RARB: variants seen among roughly 807,000 people sequenced by gnomAD.
RARB encodes the protein HBV-activated protein.
Under a neutral mutation model 51.9 loss-of-function variants are expected in RARB, and 17 were observed. That is an observed-to-expected ratio of 0.33 (90% CI 0.22 to 0.49). The LOEUF is 0.49. Among genes scored for constraint, RARB ranks in the 20% least tolerant of loss-of-function variants. RARB has a pLI of 0.99. For missense variants in RARB, 369 were observed against 550.8 expected (o/e 0.67, Z 3.30); for synonymous variants, 215 against 195.4 (o/e 1.10, Z -0.84).
chr3:25,378,108 T>C (rs538810606), intron 5 of RARB, among the ~76,000 whole-genome samples: 2 of 152,332 alleles, frequency 1.3e-5, no homozygotes, highest in Non-Finnish European at 2.9e-5. Context: ...TGCAAAGCAT[T>C]TGATCTTAAC....
rs1695156338 is a variant in RARB at position 25,461,101 on chromosome 3, T to TG, written c.158-88dup. On this transcript the variant is annotated intron_variant, in intron 1 of 7. Coordinates refer to ENST00000330688, the MANE Select transcript of RARB (RefSeq NM_000965.5). ...TTCTTGCTAGTGTTATTGCTGAATT[T>TG]GGGGCAGAAGCATATGAATTCACTG... 3 of 1,408,774 alleles carry TG rather than the reference T, an allele frequency of 2.1e-6. No individual in the cohort carries two copies. In the African/African-American group the frequency reaches 4.3e-5, roughly 20 times the overall value. 87.3% of individuals were successfully genotyped at this position (1,408,774 alleles called of 1,614,324 possible). A position where few individuals can be genotyped will look rare whatever the true frequency, so the allele number is the denominator to read the frequency against.
chr3:25,104,998 T>C (rs1699471965), intron 3 of RARB, among the ~76,000 whole-genome samples: 1 of 152,206 alleles, frequency 6.6e-6, no homozygotes, highest in East Asian at 1.9e-4. Flanking sequence ...TGAAAATTCA[T>C]TGAGCTGTAC....
intron 5 of RARB, among the ~76,000 whole-genome samples, chr3:25,190,929 A>G (rs907219656): frequency 7.2e-5 from 11 of 152,134 alleles, no homozygotes; most frequent in Admixed American, 2.0e-4. Context: ...GTCAGAGTCA[A>G]TTAATTCCCT....
rs180679190 is a variant in RARB at position 25,407,306 on chromosome 3, C to T, written c.179-53887C>T. Reference sequence around the variant, plus strand: ...TAAACTTCAGTCTTTAGAAAAAGACCGCAAATTCTGGTTTGGCCATTATGC... The same window carrying T: ...TAAACTTCAGTCTTTAGAAAAAGACTGCAAATTCTGGTTTGGCCATTATGC... On this transcript the variant is annotated intron_variant, in intron 5 of 11. Coordinates refer to the RARB transcript ENST00000383772. Among the ~76,000 whole-genome samples the T allele has an allele frequency of 7.9e-5, 12 of 152,218 alleles. No individual in the cohort carries two copies. The East Asian group carries it at 1.2e-3, about 15-fold the overall frequency.
intron 5 of RARB, among the ~76,000 whole-genome samples, chr3:25,372,646 G>A (rs1454009771): frequency 1.3e-5 from 2 of 152,052 alleles, no homozygotes; most frequent in Admixed American, 6.6e-5. Context: ...AACATAATGA[G>A]ACCCTGTCTT....
intron 3 of RARB, among the ~76,000 whole-genome samples, chr3:25,506,819 TGCCACTTAGG>T: frequency 6.6e-6 from 1 of 152,352 alleles, no homozygotes; most frequent in South Asian, 2.1e-4. Context: ...TGGCCAAGGA[TGCCACTTAGG>T]GCTGCTCTGT....
At chr3:25,174,512 C>A in exon 5 of RARB, 1 of 1,352,136 alleles carries the variant, frequency 7.4e-7, no homozygotes, top group Non-Finnish European at 9.8e-7. Context: ...ACTTTCCCTG[C>A]CTCCCCTCCA....
intron 5 of RARB, among the ~76,000 whole-genome samples, chr3:25,244,912 G>C (rs1312941918): frequency 6.6e-6 from 1 of 152,184 alleles, no homozygotes; most frequent in South Asian, 2.1e-4. Flanking sequence ...TGGTGTTAAA[G>C]TCTCCCACTG....
intron 1 of RARB, among the ~76,000 whole-genome samples, chr3:24,829,832 C>T (rs1388916121): frequency 6.6e-6 from 1 of 152,222 alleles, no homozygotes; most frequent in Non-Finnish European, 1.5e-5. Flanking sequence ...CTGCCGGGTC[C>T]AGCGCTGTCC....
chr3:25,356,491 TAGAAAC>T (rs1005235940), intron 5 of RARB, among the ~76,000 whole-genome samples: 28 of 151,928 alleles, frequency 1.8e-4, no homozygotes, highest in African/African-American at 6.8e-4. Flanking sequence ...AAAGAAAAAA[TAGAAAC>T]AGAGCTTAGA....
intron 2 of RARB, among the ~76,000 whole-genome samples, chr3:24,866,129 C>T (rs913104130): frequency 6.6e-6 from 1 of 152,096 alleles, no homozygotes; most frequent in Non-Finnish European, 1.5e-5. Context: ...AGTCTAACTC[C>T]TAGGCTGACG....
intron 1 of RARB, among the ~76,000 whole-genome samples, chr3:25,454,340 T>C (rs1181477914): frequency 6.6e-6 from 1 of 152,224 alleles, no homozygotes; most frequent in African/African-American, 2.4e-5. Context: ...TAGGCTCTCT[T>C]TGGTGCCAAC....
At chr3:24,940,274 A>G (rs1379057742) in intron 2 of RARB, among the ~76,000 whole-genome samples, 1 of 152,134 alleles carries the variant, frequency 6.6e-6, no homozygotes, top group Non-Finnish European at 1.5e-5. Flanking sequence ...CAGCCATGGA[A>G]ATAATGGGAG....
At chr3:25,204,205 T>TC (rs537183969) in intron 5 of RARB, among the ~76,000 whole-genome samples, 3 of 152,214 alleles carry the variant, frequency 2.0e-5, no homozygotes, top group Non-Finnish European at 4.4e-5. Flanking sequence ...TACCCTTTCT[T>TC]CCAGTTGATC....
At chr3:24,968,198 A>G (rs1326048532) in intron 2 of RARB, among the ~76,000 whole-genome samples, 1 of 152,180 alleles carries the variant, frequency 6.6e-6, no homozygotes, top group East Asian at 1.9e-4. Context: ...CTACATAAAT[A>G]TGTGTAAATC....
chr3:24,869,870 T>C (rs1410515065), intron 2 of RARB, among the ~76,000 whole-genome samples: 1 of 152,112 alleles, frequency 6.6e-6, no homozygotes, highest in Non-Finnish European at 1.5e-5. Flanking sequence ...AACAATAGAT[T>C]GTGTATGAGT....
At chr3:25,258,844 A>G (rs991670639) in intron 5 of RARB, among the ~76,000 whole-genome samples, 2 of 152,120 alleles carry the variant, frequency 1.3e-5, no homozygotes, top group African/African-American at 2.4e-5. Context: ...CTCTCTTGCA[A>G]TAATTAATTC....
intron 2 of RARB, among the ~76,000 whole-genome samples, chr3:24,900,923 G>A (rs371438047): frequency 6.6e-6 from 1 of 152,110 alleles, no homozygotes; most frequent in East Asian, 1.9e-4. Context: ...CATAATATGG[G>A]ATGCATACAT....
intron 5 of RARB, among the ~76,000 whole-genome samples, chr3:25,328,965 G>T (rs565884936): frequency 1.3e-5 from 2 of 152,216 alleles, no homozygotes; most frequent in African/African-American, 4.8e-5. Context: ...AGGTGGCAGC[G>T]AGGCTAGGGG....
Sources: gnomAD v4.1 joint callset for allele counts (sites outside exome capture counted in the v4.1 genomes callset) on GRCh38, gnomAD v4.1.1 for gene constraint, MANE v1.5 for transcripts, NCBI Gene and HGNC (gene_info 2026-07-23, HGNC 2026-07-21) for gene names.